Variants in ARHGAP26 observed in about 807,000 individuals in gnomAD.
The protein encoded by ARHGAP26 is Rho GTPase activating protein 26.
In ARHGAP26, 38 loss-of-function variants were observed where a neutral mutation model predicts 104.8. The ratio of observed to expected loss-of-function variants is 0.36; its 90% CI spans 0.28 to 0.48. The LOEUF (loss-of-function observed/expected upper bound fraction) is 0.48, where lower values mean the gene tolerates loss of function less well. Ranked by LOEUF, ARHGAP26 falls within the 20% of genes least tolerant of loss-of-function variation. ARHGAP26 has a pLI of 0.99. For synonymous variants in ARHGAP26, 341 were observed against 340.0 expected (o/e 1.00, Z -0.03); for missense variants, 704 against 947.9 (o/e 0.74, Z 3.38).
intron 10 of ARHGAP26, among the ~76,000 whole-genome samples, chr5:142,914,787 C>A (rs559472934): frequency 6.6e-6 from 1 of 152,170 alleles, no homozygotes; most frequent in South Asian, 2.1e-4. Context: ...TGGTTTTAAA[C>A]AAAACCTAAA....
chr5:142,881,992 C>T (rs1319623941), intron 4 of ARHGAP26, among the ~76,000 whole-genome samples: 1 of 152,142 alleles, frequency 6.6e-6, no homozygotes, highest in African/African-American at 2.4e-5. Flanking sequence ...GAGTAGGGCA[C>T]GACCCCTGGT....
chr5:142,819,832 T>A (rs939046968), intron 1 of ARHGAP26, among the ~76,000 whole-genome samples: 1 of 152,248 alleles, frequency 6.6e-6, no homozygotes, highest in Non-Finnish European at 1.5e-5. Flanking sequence ...ACTTGATTTT[T>A]TTTTTAAAGT....
chr5:142,964,546 ACACACACAC>A (rs1770946274), intron 11 of ARHGAP26, among the ~76,000 whole-genome samples: 1 of 139,248 alleles, frequency 7.2e-6, no homozygotes, highest in Non-Finnish European at 1.5e-5. Flanking sequence ...TGTTTAAAAC[ACACACACAC>A]ACACACACAC....
intron 2 of ARHGAP26, chr5:142,874,866 C>T: frequency 2.0e-6 from 1 of 489,052 alleles, no homozygotes; most frequent in African/African-American, 2.0e-5. Flanking sequence ...CTCTCAGGAA[C>T]AGGCAGATCT....
At chr5:143,218,899 C>T (rs1471390387) in intron 22 of ARHGAP26, among the ~76,000 whole-genome samples, 1 of 152,176 alleles carries the variant, frequency 6.6e-6, no homozygotes, top group Non-Finnish European at 1.5e-5. Context: ...CATTGTCTAC[C>T]AGCTATTAAT....
Position 142,770,643 on chromosome 5 carries a change from C to A in ARHGAP26, c.-119C>A. 1 of 725,302 alleles carries A rather than the reference C, an allele frequency of 1.4e-6. No homozygotes were observed. Among genetic ancestry groups the A allele is most frequent in the Non-Finnish European group, 1.7e-6 (1 of 581,172 alleles). The allele number at this position is 725,302 out of a possible 1,614,324, so 44.9% of individuals were successfully genotyped here. ...GCGCGCGGAGTGAGCCAGCGCCACA[C>A]CTGTGGAGCCGGCGGCCGTCGGGGG... is the stretch of plus-strand genomic sequence containing the variant. On this transcript the variant is annotated 5_prime_UTR_variant, in exon 1 of 23. Transcript: ENST00000645722.
At chr5:142,838,301 T>G (rs776905404) in intron 1 of ARHGAP26, among the ~76,000 whole-genome samples, 2 of 152,104 alleles carry the variant, frequency 1.3e-5, no homozygotes, top group African/African-American at 2.4e-5. Context: ...TGATTGATTC[T>G]GTAGTAATGT....
At chr5:142,924,969 A>G (rs1349293375) in intron 10 of ARHGAP26, among the ~76,000 whole-genome samples, 1 of 152,264 alleles carries the variant, frequency 6.6e-6, no homozygotes, top group Admixed American at 6.5e-5. Flanking sequence ...ACATGTAATG[A>G]TGACCTAGGG....
rs3776291 is a variant in ARHGAP26, at chr5:143,135,797, A to G, written c.1837+1692A>G. ...TAATTTCTAGGTCAACAGATATACAACGTTTCAGGACTTTGACCCTGTCCT... is the reference window on the plus strand; with the variant it reads ...TAATTTCTAGGTCAACAGATATACAGCGTTTCAGGACTTTGACCCTGTCCT... On this transcript the variant is annotated intron_variant, in intron 19 of 22. Transcript: ENST00000645722. Among the ~76,000 whole-genome samples, 246 of 152,360 alleles carry G rather than the reference A, an allele frequency of 1.6e-3. 3 individuals are homozygous for G. In the East Asian group the frequency reaches 0.041, roughly 25 times the overall value.
At chr5:143,186,349 C>T (rs918863976) in intron 20 of ARHGAP26, among the ~76,000 whole-genome samples, 5 of 152,162 alleles carry the variant, frequency 3.3e-5, no homozygotes, top group African/African-American at 1.2e-4. Context: ...TTCCCCCAAC[C>T]CTGTCCCCAC....
intron 11 of ARHGAP26, among the ~76,000 whole-genome samples, chr5:142,987,092 G>A (rs4912647): frequency 0.68 from 103,332 of 150,934 alleles, 36,455 homozygotes; most frequent in Non-Finnish European, 0.78. Context: ...GGGCGGTATG[G>A]CCATTTTCAC....
At chr5:143,113,008 GA>G (rs1031586174) in intron 17 of ARHGAP26, among the ~76,000 whole-genome samples, 22 of 152,150 alleles carry the variant, frequency 1.4e-4, no homozygotes, top group Non-Finnish European at 2.8e-4. Context: ...TGGTAATTCT[GA>G]GTCTAATTTT....
chr5:143,213,476 T>G (rs1809837628), intron 21 of ARHGAP26, among the ~76,000 whole-genome samples: 1 of 152,154 alleles, frequency 6.6e-6, no homozygotes, highest in African/African-American at 2.4e-5. Flanking sequence ...CAAGACCCAG[T>G]CTAGTAAGAA....
chr5:142,956,757 C>T (rs1044216617), intron 11 of ARHGAP26, among the ~76,000 whole-genome samples: 1 of 152,146 alleles, frequency 6.6e-6, no homozygotes, highest in Non-Finnish European at 1.5e-5. Flanking sequence ...ATTGGATTTA[C>T]AGTTCCACTT....
At position 143,228,980 on chromosome 5, in the gene ARHGAP26, A is replaced by ACTTTTCC; in HGVS notation, c.*6534_*6535insCTTTTCC. On this transcript the variant is annotated 3_prime_UTR_variant, in exon 23 of 23. Coordinates refer to ENST00000645722, the MANE Select transcript of ARHGAP26 (RefSeq NM_001135608.3). ...GAAATGAGTGGACGTATGATTTTTG[A>ACTTTTCC]ATTAAATGACTTTTCCATTTGGTGG... 5.5e-6 allele frequency: 1 copy of ACTTTTCC among 182,600 alleles called. No homozygotes were observed. Among genetic ancestry groups the ACTTTTCC allele is most frequent in the Non-Finnish European group, 1.2e-5 (1 of 85,700 alleles). 11.3% of individuals were successfully genotyped at this position (182,600 alleles called of 1,614,324 possible).
At position 142,958,324 on chromosome 5, in the gene ARHGAP26, G is replaced by T. The variant is rs1769588707; in HGVS notation, c.1107+26199G>T. ...CCTCTGAGGTGGTATTGTAACCAGA[G>T]CTAAAGATAAATGCACCAATCATAT... On this transcript the variant is annotated intron_variant, in intron 11 of 22. Transcript: ENST00000645722. 2.0e-5 allele frequency among the ~76,000 whole-genome samples: 3 copies of T among 152,164 alleles called. No individual in the cohort carries two copies. The South Asian group carries it at 6.2e-4, about 32-fold the overall frequency.
chr5:142,779,862 A>C (rs1232389351), intron 1 of ARHGAP26, among the ~76,000 whole-genome samples: 2 of 152,222 alleles, frequency 1.3e-5, no homozygotes, highest in Non-Finnish European at 2.9e-5. Flanking sequence ...GTAGACAATG[A>C]ATATTAGTCG....
At chr5:142,843,355 G>A (rs991693334) in intron 1 of ARHGAP26, among the ~76,000 whole-genome samples, 4 of 152,184 alleles carry the variant, frequency 2.6e-5, no homozygotes, top group Non-Finnish European at 2.9e-5. Context: ...GGGATGCAGG[G>A]ACATGGGCTC....
chr5:142,905,922 G>T (rs1162903585), intron 8 of ARHGAP26, among the ~76,000 whole-genome samples: 1 of 152,158 alleles, frequency 6.6e-6, no homozygotes, highest in Non-Finnish European at 1.5e-5. Flanking sequence ...AAAGCATTTT[G>T]TTGTTCTCCA....
Sources: gnomAD v4.1 joint callset for allele counts (sites outside exome capture counted in the v4.1 genomes callset) on GRCh38, gnomAD v4.1.1 for gene constraint, MANE v1.5 for transcripts, NCBI Gene and HGNC (gene_info 2026-07-23, HGNC 2026-07-21) for gene names.